The following CALN1 variants were observed in gnomAD, a reference collection of about 807,000 sequenced individuals.
CALN1 encodes the protein calcium-binding protein 8.
Under a neutral mutation model 30.6 loss-of-function variants are expected in CALN1, and 17 were observed. That is an observed-to-expected ratio of 0.56 (90% CI 0.38 to 0.83). The LOEUF (loss-of-function observed/expected upper bound fraction) is 0.83, where lower values mean the gene tolerates loss of function less well. Ranked by LOEUF, CALN1 falls within the 40% of genes least tolerant of loss-of-function variation. The probability of loss-of-function intolerance (pLI) is 0.00; values close to 1 mark genes in which losing one functional copy is unlikely to be tolerated. For synonymous variants in CALN1, 156 were observed against 131.4 expected (o/e 1.19, Z -1.28); for missense variants, 291 against 354.9 (o/e 0.82, Z 1.45).
At chr7:71,996,268 T>A (rs1437974571) in intron 5 of CALN1, among the ~76,000 whole-genome samples, 1 of 152,160 alleles carries the variant, frequency 6.6e-6, no homozygotes, top group Non-Finnish European at 1.5e-5. Flanking sequence ...TCTGCGATAA[T>A]AATAGAAAAT....
chr7:72,025,019 C>T (rs1039189688), intron 4 of CALN1, among the ~76,000 whole-genome samples: 1 of 152,058 alleles, frequency 6.6e-6, no homozygotes, highest in Non-Finnish European at 1.5e-5. Flanking sequence ...AATTTAAAAC[C>T]ATGTATCCTG....
In CALN1 at chr7:71,989,792, G is replaced by C. The variant is rs562853216; in HGVS notation, c.501+33865C>G. Among the ~76,000 whole-genome samples, 64 of 152,200 alleles carry C rather than the reference G, an allele frequency of 4.2e-4. 1 individual carries two copies. In the South Asian group the frequency reaches 0.011, roughly 26 times the overall value. On this transcript the variant is annotated intron_variant, in intron 5 of 6. Transcript: ENST00000395275. ...ATCACTGTTAGCAAACAAAGATGGT[G>C]CTTTAACACAGCTTAGTGTCTTAAA...
At chr7:72,116,932 G>A (rs1007917747) in intron 3 of CALN1, among the ~76,000 whole-genome samples, 17 of 152,090 alleles carry the variant, frequency 1.1e-4, no homozygotes, top group African/African-American at 2.2e-4. Context: ...AATTATAAGC[G>A]AAGACATAAA....
rs182969061 is a variant in CALN1 at position 72,411,409 on chromosome 7, G to A, written c.-74+649C>T. On this transcript the variant is annotated intron_variant, in intron 1 of 6. Coordinates refer to ENST00000395275, the MANE Select transcript of CALN1 (RefSeq NM_031468.4). ...TTAGGAATCAAGATTTTCTATGTTA[G>A]AGAAAAGAGCTGTAAATATAACAAT... Among the ~76,000 whole-genome samples, 10 of 152,230 alleles carry A rather than the reference G, an allele frequency of 6.6e-5. No homozygotes were observed. The East Asian group carries it at 1.7e-3, about 26-fold the overall frequency.
At chr7:72,192,985 C>T (rs750317368) in intron 3 of CALN1, among the ~76,000 whole-genome samples, 24 of 152,044 alleles carry the variant, frequency 1.6e-4, no homozygotes, top group Non-Finnish European at 2.2e-4. Flanking sequence ...GTCAGGAGTT[C>T]GAGACCAGTC....
chr7:71,854,111 T>C (rs1345891926), intron 5 of CALN1, among the ~76,000 whole-genome samples: 1 of 152,148 alleles, frequency 6.6e-6, no homozygotes, highest in East Asian at 1.9e-4. Context: ...TTAACTTAAA[T>C]TTGGATCCTT....
At chr7:72,249,190 T>A (rs147055691) in intron 3 of CALN1, among the ~76,000 whole-genome samples, 1,695 of 152,282 alleles carry the variant, frequency 0.011, 18 homozygotes, top group Non-Finnish European at 0.019. Context: ...AGGCCACCCC[T>A]GCCTGGCTCA....
At chr7:72,435,052 C>A (rs1808105488) in intron 1 of CALN1, among the ~76,000 whole-genome samples, 1 of 152,098 alleles carries the variant, frequency 6.6e-6, no homozygotes, top group Non-Finnish European at 1.5e-5. Context: ...CATAACAAGA[C>A]CCTGTATCTA....
intron 2 of CALN1, among the ~76,000 whole-genome samples, chr7:72,303,580 A>AG (rs979747522): frequency 2.6e-5 from 4 of 152,092 alleles, no homozygotes; most frequent in African/African-American, 9.7e-5. Flanking sequence ...AAGAAAAAAA[A>AG]AAAAGAAACT....
intron 6 of CALN1, 24 bp from the exon 7 acceptor site, chr7:71,787,926 G>A (rs1793070444): frequency 6.2e-7 from 1 of 1,613,654 alleles, no homozygotes; most frequent in Non-Finnish European, 8.5e-7. Context: ...AAGCAGGTGT[G>A]GGAAGAAGGA....
chr7:72,205,984 T>C (rs1280963654), intron 3 of CALN1, among the ~76,000 whole-genome samples: 1 of 152,150 alleles, frequency 6.6e-6, no homozygotes, highest in Non-Finnish European at 1.5e-5. Context: ...CTCAAATATA[T>C]CACCAGCTTC....
chr7:71,980,340 C>T (rs1181637120), intron 5 of CALN1, among the ~76,000 whole-genome samples: 2 of 151,440 alleles, frequency 1.3e-5, no homozygotes, highest in East Asian at 1.9e-4. Flanking sequence ...GTGTGCACCA[C>T]CACGTCCAGT....
chr7:72,269,301 G>A (rs906384859), intron 3 of CALN1, among the ~76,000 whole-genome samples: 1 of 152,088 alleles, frequency 6.6e-6, no homozygotes, highest in South Asian at 2.1e-4. Flanking sequence ...TTGGTGTGCT[G>A]CACCCATTAA....
chr7:72,440,590 G>C (rs1174818709), intron 1 of CALN1, among the ~76,000 whole-genome samples: 1 of 152,222 alleles, frequency 6.6e-6, no homozygotes, highest in East Asian at 1.9e-4. Flanking sequence ...ACTTTGGAAG[G>C]CTGAGGCAGG....
intron 2 of CALN1, among the ~76,000 whole-genome samples, chr7:72,297,185 C>G (rs927343967): frequency 4.6e-5 from 7 of 151,996 alleles, no homozygotes; most frequent in Non-Finnish European, 1.0e-4. Context: ...TCATTATGTA[C>G]CCAAGGAGCA....
chr7:72,083,069 C>A (rs546189918), intron 4 of CALN1, among the ~76,000 whole-genome samples: 3 of 152,012 alleles, frequency 2.0e-5, no homozygotes, highest in Non-Finnish European at 4.4e-5. Context: ...GGTGTGGTGG[C>A]GGGCGCCTGT....
intron 2 of CALN1, among the ~76,000 whole-genome samples, chr7:72,335,290 C>G (rs1164022277): frequency 6.6e-6 from 1 of 152,154 alleles, no homozygotes; most frequent in East Asian, 1.9e-4. Flanking sequence ...AATTCCTTTC[C>G]AAAGCTCTGA....
At chr7:71,817,204 G>A (rs1056650363) in intron 5 of CALN1, among the ~76,000 whole-genome samples, 6 of 152,182 alleles carry the variant, frequency 3.9e-5, no homozygotes, top group African/African-American at 1.4e-4. Context: ...TTTTTCTTCA[G>A]TCAATTTTGG....
the CALN1 span, among the ~76,000 whole-genome samples, chr7:72,457,923 T>A: frequency 6.6e-6 from 1 of 151,110 alleles, no homozygotes; most frequent in African/African-American, 2.4e-5. Context: ...GTCTCGATAC[T>A]TTTTGTATTT....
Sources: allele counts gnomAD v4.1 joint callset (sites outside exome capture counted in the v4.1 genomes callset), GRCh38; gene constraint gnomAD v4.1.1; transcripts MANE v1.5; gene names NCBI Gene and HGNC (gene_info 2026-07-23, HGNC 2026-07-21).